Variants in EPSTI1 observed in about 807,000 individuals in gnomAD.
The protein encoded by EPSTI1 is epithelial stromal interaction 1.
In EPSTI1, 66 loss-of-function variants were observed where a neutral mutation model predicts 49.9. The observed-to-expected ratio is 1.32, with a 90% confidence interval of 1.08 to 1.62. EPSTI1 has a LOEUF of 1.62. EPSTI1 is among the 40% of genes most tolerant of loss of function. The pLI is 0.00. For missense variants in EPSTI1, 394 were observed against 365.5 expected, an observed-to-expected ratio of 1.08 and a Z score of -0.64; for synonymous variants, 137 against 130.7, an observed-to-expected ratio of 1.05 and a Z score of -0.33.
At chr13:42,891,420 A>G (rs944895933) in intron 10 of EPSTI1, among the ~76,000 whole-genome samples, 1 of 152,208 alleles carries the variant, frequency 6.6e-6, no homozygotes, top group African/African-American at 2.4e-5. Context: ...TTGCATGCCC[A>G]CCAATAATGT....
chr13:42,972,087 C>A (rs1203266073), intron 1 of EPSTI1, among the ~76,000 whole-genome samples: 5 of 152,154 alleles, frequency 3.3e-5, no homozygotes, highest in African/African-American at 1.2e-4. Context: ...GAATATGATG[C>A]AATGGTGAGC....
intron 10 of EPSTI1, chr13:42,889,298 A>T: frequency 9.4e-7 from 1 of 1,067,108 alleles, no homozygotes; most frequent in Non-Finnish European, 1.3e-6. Context: ...TGAAGAATAA[A>T]TGTATATGTT....
intron 1 of EPSTI1, among the ~76,000 whole-genome samples, chr13:42,986,488 T>A (rs1196348382): frequency 6.6e-6 from 1 of 152,150 alleles, no homozygotes; most frequent in East Asian, 1.9e-4. Flanking sequence ...CTCACGCCTG[T>A]AATCCCAGTA....
chr13:42,969,456 T>C (rs1211830589), intron 2 of EPSTI1: 1 of 393,898 alleles, frequency 2.5e-6, no homozygotes, highest in African/African-American at 2.1e-5. Flanking sequence ...TTCCTACCAT[T>C]CTGGCATTTT....
At chr13:42,961,476 T>C (rs996354409) in intron 5 of EPSTI1, among the ~76,000 whole-genome samples, 4 of 152,218 alleles carry the variant, frequency 2.6e-5, no homozygotes, top group Admixed American at 6.5e-5. Context: ...ATTCCTGAAC[T>C]GAATACAACT....
chr13:42,894,930 C>T (rs2037146330), intron 10 of EPSTI1, 79 bp downstream of exon 10: 2 of 1,303,000 alleles, frequency 1.5e-6, no homozygotes, highest in Non-Finnish European at 2.1e-6. Flanking sequence ...GGGGAGAAGG[C>T]CAAAACATAT....
rs757040459 is a variant in EPSTI1 at position 42,992,022 on chromosome 13, A to AGG, written c.142_143dup (p.Lys49LeufsTer22). The AGG allele has an allele frequency of 3.1e-5, 50 of 1,613,266 alleles. No homozygotes were observed. The highest frequency in any genetic ancestry group is 4.2e-5 in the Non-Finnish European group (50 of 1,180,016). ...CGACGCTCTCCCGCGAAGGGCCCTT[A>AGG]GGGGCTGCCTCCAAACCCTCTCTCT... On this transcript the variant is annotated frameshift_variant, in exon 1 of 11. Coordinates refer to ENST00000313624, the MANE Select transcript of EPSTI1 (RefSeq NM_033255.5). LOFTEE classifies it high-confidence loss of function.
intron 1 of EPSTI1, among the ~76,000 whole-genome samples, chr13:42,987,350 G>A (rs1349189298): frequency 1.4e-5 from 2 of 146,942 alleles, no homozygotes; most frequent in Non-Finnish European, 3.0e-5. Context: ...TTGATGTCAG[G>A]AAAAAAAAAA....
At chr13:42,903,015 T>C (rs2037402861) in intron 8 of EPSTI1, among the ~76,000 whole-genome samples, 1 of 152,164 alleles carries the variant, frequency 6.6e-6, no homozygotes, top group African/African-American at 2.4e-5. Flanking sequence ...CAAATCTAAA[T>C]CCTTCTTGCC....
intron 6 of EPSTI1, among the ~76,000 whole-genome samples, chr13:42,951,252 G>A (rs549921703): frequency 3.3e-5 from 5 of 152,234 alleles, no homozygotes; most frequent in East Asian, 1.9e-4. Flanking sequence ...TCATATAGAC[G>A]ATCCATCTTT....
intron 7 of EPSTI1, among the ~76,000 whole-genome samples, chr13:42,923,512 G>A (rs891578134): frequency 6.6e-6 from 1 of 152,162 alleles, no homozygotes; most frequent in African/African-American, 2.4e-5. Context: ...AGTGAGCCAA[G>A]ATCATGCTGC....
intron 10 of EPSTI1, among the ~76,000 whole-genome samples, chr13:42,890,300 T>TATTTTC: frequency 7.3e-6 from 1 of 136,656 alleles, no homozygotes; most frequent in Non-Finnish European, 1.6e-5. Context: ...TCTTTTCTTT[T>TATTTTC]TTTTTTTTTT....
intron 6 of EPSTI1, among the ~76,000 whole-genome samples, chr13:42,944,691 G>A (rs953230685): frequency 6.6e-6 from 1 of 151,388 alleles, no homozygotes; most frequent in Non-Finnish European, 1.5e-5. Flanking sequence ...TAAAAAACTG[G>A]CCTGGCACTC....
intron 7 of EPSTI1, among the ~76,000 whole-genome samples, chr13:42,924,620 T>A (rs1209384439): frequency 1.3e-5 from 2 of 151,728 alleles, no homozygotes; most frequent in African/African-American, 2.4e-5. Context: ...TCCAGACAGG[T>A]GTTTAGGGCT....
At chr13:42,971,358 C>G (rs1409560150) in intron 1 of EPSTI1, among the ~76,000 whole-genome samples, 1 of 152,172 alleles carries the variant, frequency 6.6e-6, no homozygotes, top group Non-Finnish European at 1.5e-5. Context: ...GCCCCTGGCA[C>G]AGTGTCTGGC....
At chr13:42,931,430 C>T (rs552711088) in intron 6 of EPSTI1, among the ~76,000 whole-genome samples, 131 of 151,902 alleles carry the variant, frequency 8.6e-4, no homozygotes, top group African/African-American at 3.1e-3. Context: ...TGGTCTCGAT[C>T]TCCTGACCTC....
At chr13:42,948,122 C>T (rs1441956212) in intron 6 of EPSTI1, among the ~76,000 whole-genome samples, 5 of 152,266 alleles carry the variant, frequency 3.3e-5, no homozygotes, top group South Asian at 4.1e-4. Context: ...CCACCCAAAG[C>T]GGCTGCATCC....
chr13:42,891,829 A>ACAT (rs1190142029), intron 10 of EPSTI1, among the ~76,000 whole-genome samples: 13 of 152,238 alleles, frequency 8.5e-5, no homozygotes, highest in Non-Finnish European at 2.9e-5. Context: ...TGTGGAACAT[A>ACAT]CATCACCACA....
At chr13:42,905,916 T>C (rs1712828918) in intron 8 of EPSTI1, among the ~76,000 whole-genome samples, 1 of 152,256 alleles carries the variant, frequency 6.6e-6, no homozygotes, top group African/African-American at 2.4e-5. Context: ...CACTGTGCTA[T>C]GCAAATCTCT....
Sources: allele counts gnomAD v4.1 joint callset (sites outside exome capture counted in the v4.1 genomes callset), GRCh38; gene constraint gnomAD v4.1.1; transcripts MANE v1.5; gene names NCBI Gene and HGNC (gene_info 2026-07-23, HGNC 2026-07-21).